PCBP3: variants seen among roughly 807,000 people sequenced by gnomAD.
The protein encoded by PCBP3 is poly(rC)-binding protein 3.
PCBP3 carries 25 observed loss-of-function variants against 52.7 expected under a neutral mutation model. The observed-to-expected ratio is 0.47, with a 90% CI of 0.35 to 0.66. PCBP3 has a LOEUF of 0.66. Among genes scored for constraint, PCBP3 ranks in the 30% least tolerant of loss-of-function variants. The probability of loss-of-function intolerance (pLI) is 0.01; values close to 1 mark genes in which losing one functional copy is unlikely to be tolerated. For missense variants in PCBP3, 391 were observed against 490.3 expected (o/e 0.80, Z 1.91); for synonymous variants, 162 against 183.0 (o/e 0.89, Z 0.93).
At chr21:45,674,981 A>G (rs1479639558) in intron 2 of PCBP3, among the ~76,000 whole-genome samples, 9 of 152,044 alleles carry the variant, frequency 5.9e-5, no homozygotes, top group Non-Finnish European at 1.3e-4. Context: ...CTTGCTCTGG[A>G]TGCCACCGCA....
chr21:45,854,458 G>C (rs9984438), intron 5 of PCBP3, among the ~76,000 whole-genome samples: 27,582 of 151,978 alleles, frequency 0.18, 2,969 homozygotes, highest in African/African-American at 0.3. Context: ...CCTACTCTCT[G>C]TCTCTAGGAA....
intron 4 of PCBP3, among the ~76,000 whole-genome samples, chr21:45,835,005 G>A (rs1029674667): frequency 2.0e-5 from 3 of 152,248 alleles, no homozygotes; most frequent in African/African-American, 7.2e-5. Flanking sequence ...ACTGAATGAC[G>A]CGGGCAGCTT....
At chr21:45,857,221 C>G (rs1429984111) in intron 5 of PCBP3, among the ~76,000 whole-genome samples, 1 of 152,180 alleles carries the variant, frequency 6.6e-6, no homozygotes, top group African/African-American at 2.4e-5. Context: ...CAAGATATGG[C>G]AAAGAAACAT....
At chr21:45,679,971 C>T (rs2081732589) in intron 2 of PCBP3, among the ~76,000 whole-genome samples, 1 of 152,216 alleles carries the variant, frequency 6.6e-6, no homozygotes, top group African/African-American at 2.4e-5. Context: ...CACCAGTTGC[C>T]TTTGCAATTC....
In PCBP3 at chr21:45,788,863, C is replaced by T. The variant is rs1394015526; in HGVS notation, c.-126+33411C>T. ...ATGACTCACCAGTCACAGGGCAGTT[C>T]TCCTCAGGTTAGAAACACAGTGGAG... On this transcript the variant is annotated intron_variant, in intron 4 of 17. Coordinates refer to ENST00000681687, the MANE Select transcript of PCBP3 (RefSeq NM_001384156.1). The surrounding 1 kb of genome is among the most constrained non-coding windows in gnomAD (Gnocchi z 4.3). The T allele has an allele frequency of 1.3e-5, 2 of 152,222 alleles. No individual in the cohort carries two copies. Among genetic ancestry groups the T allele is most frequent in the African/African-American group, 4.8e-5 (2 of 41,454 alleles). The allele number at this position is 152,222 out of a possible 1,614,324, so 9.4% of individuals were successfully genotyped here.
At chr21:45,647,897 T>C (rs1247504796) in intron 1 of PCBP3, among the ~76,000 whole-genome samples, 1 of 152,080 alleles carries the variant, frequency 6.6e-6, no homozygotes, top group Non-Finnish European at 1.5e-5. Flanking sequence ...AATAGGGAGA[T>C]TATCCTGGAT....
chr21:45,679,574 A>T (rs2081702507), intron 2 of PCBP3, among the ~76,000 whole-genome samples: 1 of 152,182 alleles, frequency 6.6e-6, no homozygotes, highest in Non-Finnish European at 1.5e-5. Context: ...TATTTGCTTT[A>T]TTATGGTACC....
At chr21:45,845,011 T>C (rs1223673362) in intron 4 of PCBP3, among the ~76,000 whole-genome samples, 1 of 152,148 alleles carries the variant, frequency 6.6e-6, no homozygotes. Context: ...TAGACTTTTT[T>C]ACTGGGTACC....
At chr21:45,773,015 T>C (rs936849367) in intron 4 of PCBP3, among the ~76,000 whole-genome samples, 1 of 152,182 alleles carries the variant, frequency 6.6e-6, no homozygotes, top group Admixed American at 6.5e-5. Context: ...ATTTTCTCCC[T>C]ATTCAACAGG....
At chr21:45,919,481 T>C (rs2074091744) in intron 13 of PCBP3, 1 of 152,324 alleles carries the variant, frequency 6.6e-6, no homozygotes, top group Admixed American at 6.5e-5. Flanking sequence ...GATATAGAGA[T>C]GCAATTTACT....
chr21:45,843,152 T>C (rs2093733136), intron 4 of PCBP3, among the ~76,000 whole-genome samples: 1 of 152,194 alleles, frequency 6.6e-6, no homozygotes, highest in African/African-American at 2.4e-5. Flanking sequence ...CCTCCAGCTT[T>C]CAGGGTTCTC....
chr21:45,850,365 C>A (rs1313340194), intron 5 of PCBP3, among the ~76,000 whole-genome samples: 1 of 152,086 alleles, frequency 6.6e-6, no homozygotes, highest in African/African-American at 2.4e-5. Flanking sequence ...TTCCAGCTCT[C>A]CCCTGGAGCC....
rs148064042 is a variant in PCBP3 at position 45,921,911 on chromosome 21, C to T, written c.717+4282C>T. Among the ~76,000 whole-genome samples the T allele has an allele frequency of 1.8e-3, 269 of 152,298 alleles. 4 individuals carry two copies. The highest frequency in any genetic ancestry group is 5.8e-3 in the African/African-American group (241 of 41,572). On this transcript the variant is annotated intron_variant, in intron 13 of 17. Coordinates refer to ENST00000681687, the MANE Select transcript of PCBP3 (RefSeq NM_001384156.1). ...TGCATCATTTTACCCACGTCCTCCTCGAGGCTTACTGTGCTCTGGATGTGC... is the reference window on the plus strand; with the variant it reads ...TGCATCATTTTACCCACGTCCTCCTTGAGGCTTACTGTGCTCTGGATGTGC...
chr21:45,772,928 TTTG>T (rs1223651832), intron 4 of PCBP3, among the ~76,000 whole-genome samples: 1 of 152,110 alleles, frequency 6.6e-6, no homozygotes, highest in Non-Finnish European at 1.5e-5. Flanking sequence ...AGTGGGACTA[TTTG>T]TTTTTTTCCC....
At chr21:45,732,197 A>C (rs1293354445) in intron 2 of PCBP3, among the ~76,000 whole-genome samples, 2 of 152,148 alleles carry the variant, frequency 1.3e-5, no homozygotes, top group Admixed American at 1.3e-4. Context: ...TTAGAGATAG[A>C]ATTCAATTGG....
intron 4 of PCBP3, among the ~76,000 whole-genome samples, chr21:45,804,284 A>T (rs558075485): frequency 6.6e-6 from 1 of 152,210 alleles, no homozygotes; most frequent in Admixed American, 6.5e-5. Flanking sequence ...TTAGTGGTAC[A>T]ATATCTTGTC....
At chr21:45,931,209 C>A (rs2076132462) in intron 15 of PCBP3, among the ~76,000 whole-genome samples, 1 of 152,244 alleles carries the variant, frequency 6.6e-6, no homozygotes, top group East Asian at 1.9e-4. Flanking sequence ...TTAAAATGTT[C>A]ATTCCTCAGA....
At chr21:45,855,509 A>G (rs1477700306) in intron 5 of PCBP3, among the ~76,000 whole-genome samples, 1 of 152,228 alleles carries the variant, frequency 6.6e-6, no homozygotes, top group Non-Finnish European at 1.5e-5. Context: ...GCAAAGACCG[A>G]AACAACCAAC....
intron 4 of PCBP3, among the ~76,000 whole-genome samples, chr21:45,832,015 C>A (rs2147774006): frequency 6.6e-6 from 1 of 152,216 alleles, no homozygotes; most frequent in African/African-American, 2.4e-5. Context: ...CCAGCCAAAG[C>A]AAGTAGATTA....
Sources: gnomAD v4.1 joint callset for allele counts (sites outside exome capture counted in the v4.1 genomes callset) on GRCh38, gnomAD v4.1.1 for gene constraint, Gnocchi (gnomAD v3.1) non-coding constraint, MANE v1.5 for transcripts, NCBI Gene and HGNC (gene_info 2026-07-23, HGNC 2026-07-21) for gene names.